Variants in CLSPN observed in about 807,000 individuals in gnomAD.
The protein encoded by CLSPN is claspin, also known as claspin homolog.
Under a neutral mutation model 156.3 loss-of-function variants are expected in CLSPN, and 85 were observed. That is an observed-to-expected ratio of 0.54 (90% CI 0.46 to 0.65). The LOEUF (loss-of-function observed/expected upper bound fraction) is 0.65, where lower values mean the gene tolerates loss of function less well. CLSPN is among the 30% of genes least tolerant of loss of function. CLSPN has a pLI of 0.00. For synonymous variants in CLSPN, 534 were observed against 542.4 expected (o/e 0.98, Z 0.22); for missense variants, 1,407 against 1,554.9 (o/e 0.90, Z 1.60).
chr1:35,724,763 C>T (rs566660602), intron 24 of CLSPN, among the ~76,000 whole-genome samples: 2 of 152,288 alleles, frequency 1.3e-5, no homozygotes, highest in East Asian at 1.9e-4. Context: ...TGCCAAAGAG[C>T]CATTAAGGCA....
intron 24 of CLSPN, among the ~76,000 whole-genome samples, chr1:35,726,717 C>G (rs1313545417): frequency 2.6e-5 from 4 of 152,152 alleles, no homozygotes; most frequent in African/African-American, 9.7e-5. Context: ...ACACAGAAAA[C>G]AAATCTATTG....
intron 8 of CLSPN, among the ~76,000 whole-genome samples, chr1:35,758,638 A>T (rs1369501556): frequency 6.6e-6 from 1 of 151,224 alleles, no homozygotes; most frequent in East Asian, 2.0e-4. Context: ...AGAGCAAGTG[A>T]AAGCCCGTCT....
intron 2 of CLSPN, 27 bp from the exon 3 acceptor site, chr1:35,764,741 A>T (rs1219427892): frequency 6.9e-7 from 1 of 1,457,698 alleles, no homozygotes; most frequent in Non-Finnish European, 9.2e-7. Context: ...TCTTTTAATT[A>T]TACCATCATT....
chr1:35,746,927 C>T lies in CLSPN; in HGVS notation c.2693G>A (p.Ser898Asn), dbSNP rs1641901878. Reference protein sequence around the residue: ...QALKPRLPLASMDENAMDANM... With the variant: ...QALKPRLPLANMDENAMDANM... ...GGCATCCATGGCATTCTCATCCATA[C>T]TGGCCAATGGCAATCGAGGCTTCAA... The change falls in exon 15 of 25, where the codon AGT (serine) becomes AAT (asparagine). Residue 898 changes from serine (S) to asparagine (N), a missense_variant. Physicochemically the swap from Ser to Asn is conservative, Grantham distance 46. Around this residue, in one of 3 missense-constraint regions of CLSPN, gnomAD observed 1,096 missense variants for 1,193.0 expected, o/e 0.92. Transcript: ENST00000318121. This position sits in a 1 kb window ranked among gnomAD's most constrained non-coding sequence, Gnocchi z 4.2. The T allele has an allele frequency of 2.5e-6, 4 of 1,614,194 alleles. No homozygotes were observed. Among genetic ancestry groups the T allele is most frequent in the Non-Finnish European group, 3.4e-6 (4 of 1,180,020 alleles).
chr1:35,748,630 G>C, intron 12 of CLSPN, 26 bp from the exon 13 acceptor site: 1 of 1,576,768 alleles, frequency 6.3e-7, no homozygotes, highest in East Asian at 2.2e-5. Flanking sequence ...CACCTTTTAA[G>C]CACATGATTA....
intron 8 of CLSPN, among the ~76,000 whole-genome samples, chr1:35,756,874 C>T (rs769397039): frequency 6.6e-6 from 1 of 152,162 alleles, no homozygotes; most frequent in Non-Finnish European, 1.5e-5. Context: ...AAGTGAGTAT[C>T]TGATTGAACA....
intron 18 of CLSPN, 122 bp from the exon 19 acceptor site, chr1:35,739,651 T>G (rs980645080): frequency 1.5e-6 from 1 of 686,756 alleles, no homozygotes; most frequent in Non-Finnish European, 2.3e-6. Context: ...TTGATAATAT[T>G]TAAATTTTTT....
chr1:35,725,280 G>A (rs890079246), intron 24 of CLSPN, among the ~76,000 whole-genome samples: 5 of 151,964 alleles, frequency 3.3e-5, no homozygotes, highest in African/African-American at 1.2e-4. Context: ...AGGTCTTTTC[G>A]GAGCTGCTGG....
chr1:35,749,410 A>G, intron 12 of CLSPN, 57 bp downstream of exon 12: 1 of 1,545,220 alleles, frequency 6.5e-7, no homozygotes, highest in Non-Finnish European at 8.9e-7. Flanking sequence ...CAGTCCTTAA[A>G]TATCAAAGCT....
In CLSPN at chr1:35,745,481, G is replaced by A. The variant is rs529598028; in HGVS notation, c.2936C>T (p.Ala979Val). ...TGTGGGAAAAGAGCCTGAGCAAAGA[G>A]CAAGTGCTTCTTCCATTGGATCACC... The part of the protein sequence containing the change: ...SMGDPMEEAL[A>V]LCSGSFPTDK... The change falls in exon 16 of 25, where the codon GCT becomes GTT. Residue 979 changes from alanine (A) to valine (V), a missense_variant. Ala to Val is a moderately conservative substitution (Grantham distance 64). This residue lies in a region of CLSPN where 1,096 missense variants were observed against 1,193.0 expected (regional missense o/e 0.92). Transcript: ENST00000318121. 2.5e-6 allele frequency: 4 copies of A among 1,613,758 alleles called. No individual in the cohort carries two copies. Among genetic ancestry groups the A allele is most frequent in the African/African-American group, 1.3e-5 (1 of 75,040 alleles).
chr1:35,748,477 G>T lies in CLSPN; in HGVS notation c.2400C>A (p.Phe800Leu). The T allele has an allele frequency of 6.2e-7, 1 of 1,614,100 alleles. No homozygotes were observed. The highest frequency in any genetic ancestry group is 8.5e-7 in the Non-Finnish European group (1 of 1,179,994). ...NRQTGRGTSF[F>L]PTAGGFRSPS... ...GAGATCTGAATCCTCCTGCTGTAGG[G>T]AAAAAACTGGTCCCACGGCCTGTTT... The change falls in exon 13 of 25, where the codon TTC (phenylalanine) becomes TTA (leucine). Residue 800 changes from phenylalanine to leucine, a missense_variant. Phe to Leu is a conservative substitution (Grantham distance 22). Transcript: ENST00000318121.
At position 35,738,458 on chromosome 1, in the gene CLSPN, G is replaced by A. The variant is rs747965243; in HGVS notation, c.3555C>T (p.Asp1185=). 38 of 1,613,664 alleles carry A rather than the reference G, an allele frequency of 2.4e-5. No individual in the cohort carries two copies. Among genetic ancestry groups the A allele is most frequent in the Non-Finnish European group, 2.9e-5 (34 of 1,179,702 alleles). Reference sequence around the variant, plus strand: ...GTCAGAGTAGGTGAACTCCTACCATGTCCCGAAGCCACTGCTCTCGTTCAA... The same window carrying A: ...GTCAGAGTAGGTGAACTCCTACCATATCCCGAAGCCACTGCTCTCGTTCAA... The part of the protein sequence containing the change: ...ERIEREQWLR[D]MAQQGKITAE... The change falls in exon 21 of 25, where the codon GAC becomes GAT. Residue 1185 remains aspartate, a synonymous_variant. Transcript: ENST00000318121.
chr1:35,769,673 G>C (rs1161341951), intron 1 of CLSPN, among the ~76,000 whole-genome samples, 174 bp downstream of exon 1: 1 of 152,190 alleles, frequency 6.6e-6, no homozygotes, highest in East Asian at 1.9e-4. Context: ...CGGGATGCCC[G>C]GTCGGAACCC....
downstream of CLSPN, among the ~76,000 whole-genome samples, chr1:35,729,019 G>T (rs746512899): frequency 1.4e-5 from 2 of 146,886 alleles, no homozygotes; most frequent in African/African-American, 5.0e-5. Flanking sequence ...AATTTTTCAC[G>T]TTTGGAAAAC....
Position 35,745,939 on chromosome 1 carries a change from CT to C in CLSPN, c.2855-378del, listed in dbSNP as rs771362236. ...GATATATGGGCAAAGCTAAAGCAGT[CT>C]TTTTTTTTTTCAAGACTTTTTTTTT... On this transcript the variant is annotated intron_variant, in intron 15 of 24. Transcript: ENST00000318121. Among the ~76,000 whole-genome samples the C allele has an allele frequency of 1.2e-4, 18 of 146,528 alleles. 1 individual carries two copies. Among genetic ancestry groups the C allele is most frequent in the African/African-American group, 3.0e-4 (12 of 40,202 alleles).
rs762951553 is a variant in CLSPN, at chr1:35,764,622, G to C, written c.226C>G (p.Pro76Ala). Reference protein sequence around the residue: ...DSETEDTNASPEKTTYDSAEE... With the variant: ...DSETEDTNASAEKTTYDSAEE... ...GCACTGTCATAGGTAGTTTTCTCTG[G>C]AGAGGCATTTGTGTCCTCTGTTTCG... The change falls in exon 3 of 25, where the codon CCA becomes GCA. Residue 76 changes from proline to alanine, a missense_variant. Coordinates refer to ENST00000318121, the MANE Select transcript of CLSPN (RefSeq NM_022111.4). The C allele has an allele frequency of 6.2e-7, 1 of 1,613,200 alleles. No individual in the cohort carries two copies. Among genetic ancestry groups the C allele is most frequent in the African/African-American group, 1.3e-5 (1 of 74,856 alleles).
At chr1:35,720,511 G>A (rs6669654) in exon 25 of CLSPN, 24,263 of 146,080 alleles carry the variant, frequency 0.17, 3,244 homozygotes, top group East Asian at 0.71. Context: ...GTGCAGTGGC[G>A]CAATCTCGGC....
chr1:35,765,162 A>G, intron 2 of CLSPN, 56 bp downstream of exon 2: 1 of 979,604 alleles, frequency 1.0e-6, no homozygotes, highest in Non-Finnish European at 1.6e-6. Context: ...AATCCAATCT[A>G]CTTACAACTG....
At chr1:35,722,909 G>C (rs954014366) in intron 24 of CLSPN, among the ~76,000 whole-genome samples, 8 of 152,196 alleles carry the variant, frequency 5.3e-5, no homozygotes, top group Non-Finnish European at 1.0e-4. Flanking sequence ...GGGATTACAG[G>C]CGTGAACCAC....
Sources: allele counts gnomAD v4.1 joint callset (sites outside exome capture counted in the v4.1 genomes callset), GRCh38; gene constraint gnomAD v4.1.1; regional missense constraint gnomAD v4.1.1; non-coding constraint Gnocchi (gnomAD v3.1); transcripts MANE v1.5; gene names NCBI Gene and HGNC (gene_info 2026-07-23, HGNC 2026-07-21).